Variants in DOCK11 observed in about 807,000 individuals in gnomAD.
DOCK11 encodes the protein dedicator of cytokinesis protein 11.
A neutral mutation model predicts 169.1 loss-of-function variants in DOCK11; 70 were observed. The observed-to-expected ratio is 0.41, with a 90% confidence interval of 0.34 to 0.51. The LOEUF (loss-of-function observed/expected upper bound fraction) is 0.51, where lower values mean the gene tolerates loss of function less well. Among genes scored for constraint, DOCK11 ranks in the 20% least tolerant of loss-of-function variants. DOCK11 has a pLI of 0.10. For synonymous variants in DOCK11, 529 were observed against 541.3 expected (o/e 0.98, Z 0.32); for missense variants, 1,166 against 1,538.8 (o/e 0.76, Z 4.05).
chrX:118,561,439 C>G lies in DOCK11; in HGVS notation c.615C>G (p.Leu205=), dbSNP rs760165638. 3.3e-6 allele frequency: 4 copies of G among 1,205,129 alleles called. No homozygotes were observed. In the East Asian group the frequency reaches 1.2e-4, roughly 36 times the overall value. Residue 205 remains leucine (L), a synonymous_variant, in exon 7 of 53, where the codon CTC becomes CTG. Coordinates refer to ENST00000276202, the MANE Select transcript of DOCK11 (RefSeq NM_144658.4). ...LTQLPDGSYI[L]NSYKDEKNSK... ...AACTTCCTGACGGTTCATATATTCT[C>G]AATTCCTATAAAGATGAGAAAAATT...
At chrX:118,648,152 TATA>T (rs1429623761) in intron 40 of DOCK11, among the ~76,000 whole-genome samples, 28 of 76,776 alleles carry the variant, frequency 3.6e-4, no homozygotes, top group African/African-American at 1.2e-3. Flanking sequence ...TAAATTAATA[TATA>T]ATAATATAAT....
intron 28 of DOCK11, among the ~76,000 whole-genome samples, chrX:118,612,614 A>G (rs1234922133): frequency 8.9e-6 from 1 of 112,028 alleles, no homozygotes; most frequent in Non-Finnish European, 1.9e-5. Context: ...AATACAGACA[A>G]AATACTATAG....
chrX:118,581,126 C>T (rs1272965010), intron 14 of DOCK11, among the ~76,000 whole-genome samples: 1 of 112,211 alleles, frequency 8.9e-6, no homozygotes, highest in African/African-American at 3.2e-5. Context: ...ACAGCCTGTA[C>T]AGCTCACTGG....
At chrX:118,675,433 G>A (rs1371127465) in intron 46 of DOCK11, among the ~76,000 whole-genome samples, 1 of 111,534 alleles carries the variant, frequency 9.0e-6, no homozygotes, top group Non-Finnish European at 1.9e-5. Context: ...CCATTGAGAT[G>A]TGAATGAAAT....
intron 14 of DOCK11, among the ~76,000 whole-genome samples, chrX:118,582,078 C>T (rs1603087423): frequency 1.8e-5 from 2 of 109,444 alleles, no homozygotes; most frequent in East Asian, 2.9e-4. Context: ...TGCAGTGAGC[C>T]GAGATCACAG....
chrX:118,575,892 A>G (rs572712111), intron 12 of DOCK11, among the ~76,000 whole-genome samples: 6 of 112,440 alleles, frequency 5.3e-5, no homozygotes, highest in African/African-American at 1.9e-4. Context: ...TTCAGATGTC[A>G]TCCAGTTTGT....
intron 1 of DOCK11, among the ~76,000 whole-genome samples, chrX:118,511,195 G>A (rs1184488536): frequency 8.9e-6 from 1 of 112,317 alleles, no homozygotes; most frequent in Non-Finnish European, 1.9e-5. Flanking sequence ...TGGCTGTAAT[G>A]CACTGAAAAT....
At chrX:118,519,085 C>T (rs1486533266) in intron 1 of DOCK11, among the ~76,000 whole-genome samples, 2 of 111,474 alleles carry the variant, frequency 1.8e-5, no homozygotes, top group Non-Finnish European at 1.9e-5. Flanking sequence ...ACTTTTTGTC[C>T]CATCTCGATA....
chrX:118,637,502 G>A (rs1334923612), intron 36 of DOCK11, among the ~76,000 whole-genome samples: 2 of 112,139 alleles, frequency 1.8e-5, no homozygotes, highest in African/African-American at 6.5e-5. Flanking sequence ...GCTCACGCCT[G>A]TAATCCCAGC....
intron 26 of DOCK11, 37 bp from the exon 27 acceptor site, chrX:118,609,241 T>G: frequency 9.2e-7 from 1 of 1,081,952 alleles, no homozygotes; most frequent in Non-Finnish European, 1.3e-6. Context: ...TTCAGAGATT[T>G]GGTAACCGTT....
At chrX:118,580,221 ATG>A (rs1259553485) in intron 14 of DOCK11, 42 bp downstream of exon 14, 1 of 1,110,547 alleles carries the variant, frequency 9.0e-7, no homozygotes, top group East Asian at 3.1e-5. Flanking sequence ...TCGTGTTCAT[ATG>A]TGAAGTTAAG....
At chrX:118,548,772 C>T (rs1050501192) in intron 6 of DOCK11, among the ~76,000 whole-genome samples, 3 of 112,051 alleles carry the variant, frequency 2.7e-5, no homozygotes, top group Non-Finnish European at 1.9e-5. Flanking sequence ...TTCTAACCTG[C>T]GAAACTATAA....
At chrX:118,608,395 T>C (rs779160277) in intron 26 of DOCK11, 39 bp downstream of exon 26, 83 of 1,151,837 alleles carry the variant, frequency 7.2e-5, no homozygotes, top group Middle Eastern at 2.4e-4. Context: ...AAAGCAGCCA[T>C]AGACACACTT....
At chrX:118,651,866 A>C in intron 41 of DOCK11, 98 bp from the exon 42 acceptor site, 1 of 532,387 alleles carries the variant, frequency 1.9e-6, no homozygotes, top group Non-Finnish European at 3.1e-6. Flanking sequence ...CTTTAAAAGA[A>C]GCATTTCATG....
At chrX:118,673,985 T>C (rs984628369) in intron 46 of DOCK11, among the ~76,000 whole-genome samples, 2 of 111,917 alleles carry the variant, frequency 1.8e-5, no homozygotes, top group Non-Finnish European at 3.8e-5. Flanking sequence ...GAAATGCTCA[T>C]TGGAACATTT....
chrX:118,659,446 C>G (rs1283510915), intron 44 of DOCK11, among the ~76,000 whole-genome samples: 1 of 112,008 alleles, frequency 8.9e-6, no homozygotes, highest in Non-Finnish European at 1.9e-5. Context: ...TGTACATTGG[C>G]CAATTCTAGA....
intron 1 of DOCK11, among the ~76,000 whole-genome samples, chrX:118,521,883 C>A (rs1033861856): frequency 8.9e-6 from 1 of 111,811 alleles, no homozygotes; most frequent in Non-Finnish European, 1.9e-5. Context: ...GTAAAAAAAA[C>A]ATTTCTAAAA....
intron 40 of DOCK11, among the ~76,000 whole-genome samples, chrX:118,647,607 A>T (rs1420402405): frequency 1.5e-5 from 1 of 65,920 alleles, no homozygotes; most frequent in East Asian, 4.4e-4. Context: ...TTAATATATA[A>T]ATATAATATA....
intron 45 of DOCK11, among the ~76,000 whole-genome samples, chrX:118,664,080 G>A (rs961954828): frequency 2.7e-5 from 3 of 111,028 alleles, no homozygotes; most frequent in African/African-American, 9.8e-5. Context: ...AGGAGCTAGA[G>A]GCAGGGGCTA....
Sources: gnomAD v4.1 joint callset for allele counts (sites outside exome capture counted in the v4.1 genomes callset) on GRCh38, gnomAD v4.1.1 for gene constraint, MANE v1.5 for transcripts, NCBI Gene and HGNC (gene_info 2026-07-23, HGNC 2026-07-21) for gene names.